DAPK1: variants seen among roughly 807,000 people sequenced by gnomAD.
DAPK1 encodes death-associated protein kinase 1.
DAPK1 carries 56 observed loss-of-function variants against 144.9 expected under a neutral mutation model. That is an observed-to-expected ratio of 0.39 (90% confidence interval 0.31 to 0.48). DAPK1 has a LOEUF of 0.48. DAPK1 is among the 20% of genes least tolerant of loss of function. The pLI is 0.95. For missense variants in DAPK1, 1,454 were observed against 1,875.4 expected (o/e 0.78, Z 4.15); for synonymous variants, 690 against 749.0 (o/e 0.92, Z 1.29).
intron 2 of DAPK1, among the ~76,000 whole-genome samples, chr9:87,539,966 C>T (rs893443692): frequency 1.3e-5 from 2 of 151,802 alleles, no homozygotes; most frequent in Non-Finnish European, 2.9e-5. Context: ...GTGATGCCGG[C>T]AATTCGGATG....
At chr9:87,588,983 G>A (rs929489146) in intron 2 of DAPK1, among the ~76,000 whole-genome samples, 3 of 151,516 alleles carry the variant, frequency 2.0e-5, no homozygotes, top group Non-Finnish European at 4.4e-5. Context: ...CCACTTCCCA[G>A]GTTCAAGTGA....
At chr9:87,512,355 A>C (rs537972180) in intron 2 of DAPK1, among the ~76,000 whole-genome samples, 1 of 152,296 alleles carries the variant, frequency 6.6e-6, no homozygotes, top group South Asian at 2.1e-4. Flanking sequence ...GTCCCTGACC[A>C]AGAGAAGCCT....
chr9:87,612,448 C>T (rs1014605797), intron 3 of DAPK1, among the ~76,000 whole-genome samples: 7 of 152,148 alleles, frequency 4.6e-5, no homozygotes, highest in African/African-American at 1.7e-4. Flanking sequence ...AGGCATGGAG[C>T]AGATTCATCC....
At chr9:87,511,796 C>G (rs1016372704) in intron 2 of DAPK1, among the ~76,000 whole-genome samples, 1 of 151,570 alleles carries the variant, frequency 6.6e-6, no homozygotes, top group Non-Finnish European at 1.5e-5. Flanking sequence ...CTGCAACCTC[C>G]GCCTCCTGGT....
rs36210666 is a variant in DAPK1 at position 87,634,175 on chromosome 9, G to A, written c.285-3768G>A. ...CTGTGGCTGCTTTCATGATACATTA[G>A]CAGAGCTGAGTAGTTGGGACAGACT... On this transcript the variant is annotated intron_variant, in intron 3 of 25. Transcript: ENST00000408954. Among the ~76,000 whole-genome samples, 197 of 152,330 alleles carry A rather than the reference G, an allele frequency of 1.3e-3. 1 individual carries two copies. Among genetic ancestry groups the A allele is most frequent in the African/African-American group, 4.5e-3 (189 of 41,576 alleles).
chr9:87,668,534 C>G, intron 18 of DAPK1, 63 bp from the exon 19 acceptor site: 1 of 887,462 alleles, frequency 1.1e-6, no homozygotes, highest in Non-Finnish European at 1.9e-6. Flanking sequence ...ACGGAATTGG[C>G]GTATGGAACA....
chr9:87,511,462 G>A (rs1408055720), intron 2 of DAPK1, among the ~76,000 whole-genome samples: 1 of 152,184 alleles, frequency 6.6e-6, no homozygotes, highest in Non-Finnish European at 1.5e-5. Context: ...CTGTTAAGAT[G>A]GGAAGAGATG....
chr9:87,698,770 C>G lies in DAPK1; in HGVS notation c.2726C>G (p.Ser909Trp), dbSNP rs953872172. ...GAGTTTGGATATGACAAAGACACATCGTTGCTGAAAGAGATTAGGAACAGG... is the reference window on the plus strand; with the variant it reads ...GAGTTTGGATATGACAAAGACACATGGTTGCTGAAAGAGATTAGGAACAGG... The part of the protein sequence containing the change: ...GGEFGYDKDT[S>W]LLKEIRNRFG... The change falls in exon 23 of 26, where the codon TCG (serine) becomes TGG (tryptophan). Residue 909 changes from serine to tryptophan, a missense_variant. Coordinates refer to ENST00000408954, the MANE Select transcript of DAPK1 (RefSeq NM_004938.4). 6.2e-7 allele frequency: 1 copy of G among 1,607,042 alleles called. No individual in the cohort carries two copies. The highest frequency in any genetic ancestry group is 1.7e-5 in the Admixed American group (1 of 60,020).
chr9:87,619,683 GGGA>G (rs1829220926), intron 3 of DAPK1, among the ~76,000 whole-genome samples: 1 of 152,192 alleles, frequency 6.6e-6, no homozygotes, highest in Non-Finnish European at 1.5e-5. Flanking sequence ...CTGGATGCAT[GGGA>G]TGGGAACGAG....
chr9:87,616,536 C>T (rs533986706), intron 3 of DAPK1, among the ~76,000 whole-genome samples: 2 of 152,300 alleles, frequency 1.3e-5, no homozygotes, highest in East Asian at 3.9e-4. Flanking sequence ...GCAAAGTACC[C>T]CATCCTCTTG....
At chr9:87,577,611 A>T (rs2118804638) in intron 2 of DAPK1, among the ~76,000 whole-genome samples, 1 of 152,314 alleles carries the variant, frequency 6.6e-6, no homozygotes, top group African/African-American at 2.4e-5. Context: ...CGTCCTGGCC[A>T]ACATGGTGAA....
Position 87,525,366 on chromosome 9 carries a change from G to T in DAPK1, c.62+26227G>T, listed in dbSNP as rs141455901. On this transcript the variant is annotated intron_variant, in intron 2 of 25. Coordinates refer to ENST00000408954, the MANE Select transcript of DAPK1 (RefSeq NM_004938.4). ...TTCGGCCAGGGTTCTCGCTCTTGTT[G>T]CGTGTGTTCAAACAACCGGCACGGT... 2.5e-6 allele frequency: 4 copies of T among 1,611,426 alleles called. No homozygotes were observed. In the East Asian group the frequency reaches 6.7e-5, roughly 27 times the overall value.
chr9:87,624,454 C>G (rs1446018371), intron 3 of DAPK1, among the ~76,000 whole-genome samples: 2 of 152,222 alleles, frequency 1.3e-5, no homozygotes, highest in African/African-American at 2.4e-5. Flanking sequence ...ACTGGCACAG[C>G]ATCACTTCTT....
chr9:87,560,652 A>G lies in DAPK1; in HGVS notation c.63-44302A>G, dbSNP rs567479627. ...CCTTGAGGTTCATCCACGTTGAGGC[A>G]TGTGTCAGAACGTACTTTTTTTTTT... is the stretch of plus-strand genomic sequence containing the variant. On this transcript the variant is annotated intron_variant, in intron 2 of 25. Transcript: ENST00000408954. Among the ~76,000 whole-genome samples the G allele has an allele frequency of 4.4e-4, 64 of 145,168 alleles. 1 individual carries two copies. The highest frequency in any genetic ancestry group is 3.6e-3 in the Middle Eastern group (1 of 276).
At chr9:87,599,300 G>C (rs773906497) in intron 2 of DAPK1, among the ~76,000 whole-genome samples, 1 of 152,204 alleles carries the variant, frequency 6.6e-6, no homozygotes, top group Non-Finnish European at 1.5e-5. Context: ...ATGACGATGT[G>C]TATCTCATGG....
At chr9:87,518,133 A>T (rs1204425398) in intron 2 of DAPK1, among the ~76,000 whole-genome samples, 3 of 122,036 alleles carry the variant, frequency 2.5e-5, no homozygotes, top group African/African-American at 3.3e-5. Context: ...TTTTTCTGAG[A>T]TGGAGTCTGG....
intron 2 of DAPK1, among the ~76,000 whole-genome samples, chr9:87,571,528 C>CACACACACACACACACACACACACACA (rs55676810): frequency 6.6e-5 from 9 of 135,596 alleles, no homozygotes; most frequent in East Asian, 4.1e-4. Context: ...CACACACACA[C>CACACACACACACACACACACACACACA]CAGAAGCGAA....
intron 2 of DAPK1, among the ~76,000 whole-genome samples, chr9:87,559,862 C>T (rs558162457): frequency 9.9e-5 from 15 of 152,236 alleles, no homozygotes; most frequent in African/African-American, 2.9e-4. Context: ...GTGCCCACTC[C>T]TCAGAAAGGC....
At chr9:87,534,094 C>T (rs1052386535) in intron 2 of DAPK1, among the ~76,000 whole-genome samples, 1 of 120,410 alleles carries the variant, frequency 8.3e-6, no homozygotes, top group African/African-American at 3.2e-5. Flanking sequence ...ATTATTATTC[C>T]AATTTCTTGC....
Sources: allele counts gnomAD v4.1 joint callset (sites outside exome capture counted in the v4.1 genomes callset), GRCh38; gene constraint gnomAD v4.1.1; transcripts MANE v1.5; gene names NCBI Gene and HGNC (gene_info 2026-07-23, HGNC 2026-07-21).